AKAP12: variants seen among roughly 807,000 people sequenced by gnomAD.
The protein encoded by AKAP12 is A-kinase anchor protein 12.
A neutral mutation model predicts 79.9 loss-of-function variants in AKAP12; 32 were observed. The observed-to-expected ratio is 0.40, with a 90% confidence interval of 0.30 to 0.54. The LOEUF (loss-of-function observed/expected upper bound fraction) is 0.54, where lower values mean the gene tolerates loss of function less well. Ranked by LOEUF, AKAP12 falls within the 20% of genes least tolerant of loss-of-function variation. The pLI, the probability that AKAP12 is intolerant of heterozygous loss-of-function variation, is 0.48. For missense variants in AKAP12, 2,074 were observed against 2,177.0 expected, an observed-to-expected ratio of 0.95 and a Z score of 0.94; for synonymous variants, 808 against 857.0, an observed-to-expected ratio of 0.94 and a Z score of 1.00.
chr6:151,259,010 GTATA>G (rs1031218675), intron 2 of AKAP12, among the ~76,000 whole-genome samples: 2 of 148,974 alleles, frequency 1.3e-5, no homozygotes, highest in South Asian at 2.1e-4. Flanking sequence ...ATGTGTGTGT[GTATA>G]TATATATATT....
intron 3 of AKAP12, among the ~76,000 whole-genome samples, chr6:151,340,364 C>A (rs1777916869): frequency 6.6e-6 from 1 of 151,368 alleles, no homozygotes; most frequent in Non-Finnish European, 1.5e-5. Flanking sequence ...TTGCTGTAAA[C>A]ATCTGTGTGC....
At chr6:151,307,894 T>G (rs1043290372) in intron 3 of AKAP12, among the ~76,000 whole-genome samples, 2 of 152,180 alleles carry the variant, frequency 1.3e-5, no homozygotes, top group Non-Finnish European at 2.9e-5. Context: ...TGTCTCAGTC[T>G]CACTCTGTCG....
intron 3 of AKAP12, among the ~76,000 whole-genome samples, chr6:151,313,791 G>A (rs567980802): frequency 5.3e-5 from 8 of 152,192 alleles, no homozygotes; most frequent in South Asian, 4.1e-4. Flanking sequence ...TACTTTTTGC[G>A]TGATCTTGAT....
chr6:151,325,834 C>T (rs561806311), intron 3 of AKAP12: 1 of 1,614,012 alleles, frequency 6.2e-7, no homozygotes, highest in Admixed American at 1.7e-5. Flanking sequence ...CTAAGCTGAT[C>T]TCCTGTACAG....
chr6:151,321,047 C>T (rs1055174048), intron 3 of AKAP12, among the ~76,000 whole-genome samples: 1 of 151,324 alleles, frequency 6.6e-6, no homozygotes, highest in African/African-American at 2.4e-5. Flanking sequence ...AGTGCAATGA[C>T]GCGATCTCAG....
chr6:151,281,670 C>T (rs1776410166), intron 2 of AKAP12, among the ~76,000 whole-genome samples: 1 of 152,088 alleles, frequency 6.6e-6, no homozygotes, highest in Non-Finnish European at 1.5e-5. Context: ...CCTGCGGCTT[C>T]ATTCTTTTCT....
chr6:151,302,168 A>G (rs1453541250), intron 2 of AKAP12, among the ~76,000 whole-genome samples: 1 of 151,554 alleles, frequency 6.6e-6, no homozygotes, highest in African/African-American at 2.4e-5. Flanking sequence ...ACACCACCAC[A>G]CTTGGCTAAT....
chr6:151,264,626 G>T (rs911282372), intron 2 of AKAP12, among the ~76,000 whole-genome samples: 2 of 148,106 alleles, frequency 1.4e-5, no homozygotes, highest in Non-Finnish European at 3.0e-5. Flanking sequence ...AGCCAAGATC[G>T]TATCACTGAA....
At position 151,278,886 on chromosome 6, in the gene AKAP12, C is replaced by T. The variant is rs191007539; in HGVS notation, c.163-26861C>T. Reference sequence around the variant, plus strand: ...GTTTCACCGTGTTAGCCAGGATGGTCTCGATCTCCTGACCTTGTGATCCGC... The same window carrying T: ...GTTTCACCGTGTTAGCCAGGATGGTTTCGATCTCCTGACCTTGTGATCCGC... On this transcript the variant is annotated intron_variant, in intron 2 of 4. Transcript: ENST00000402676. Among the ~76,000 whole-genome samples, 562 of 152,168 alleles carry T rather than the reference C, an allele frequency of 3.7e-3. 3 individuals are homozygous for T. Among genetic ancestry groups the T allele is most frequent in the African/African-American group, 0.013 (535 of 41,506 alleles).
intron 2 of AKAP12, among the ~76,000 whole-genome samples, chr6:151,272,339 T>C (rs1776199466): frequency 7.7e-6 from 1 of 129,150 alleles, no homozygotes; most frequent in Non-Finnish European, 1.6e-5. Context: ...AGTGAGACCC[T>C]GTTTCAAAAA....
chr6:151,252,291 G>A (rs180830062), intron 2 of AKAP12, among the ~76,000 whole-genome samples: 174 of 151,664 alleles, frequency 1.1e-3, no homozygotes, highest in African/African-American at 3.7e-3. Flanking sequence ...CCCGCCTCCC[G>A]GGTTCAAGAT....
At chr6:151,326,489 TA>T (rs746340831) in intron 3 of AKAP12, among the ~76,000 whole-genome samples, 2,097 of 80,226 alleles carry the variant, frequency 0.026, 33 homozygotes, top group African/African-American at 0.083. Context: ...CAACAAATAG[TA>T]AAAAAAAAAA....
At chr6:151,288,704 C>A (rs1776556609) in intron 2 of AKAP12, among the ~76,000 whole-genome samples, 1 of 152,174 alleles carries the variant, frequency 6.6e-6, no homozygotes, top group South Asian at 2.1e-4. Flanking sequence ...CACCCTACCC[C>A]CGTTCAGAAG....
At chr6:151,345,932 T>TGTGAGAGAGA (rs1349850485) in intron 3 of AKAP12, among the ~76,000 whole-genome samples, 8 of 101,444 alleles carry the variant, frequency 7.9e-5, no homozygotes, top group African/African-American at 2.2e-4. Context: ...TGTGTGTGTG[T>TGTGAGAGAGA]GAGAGAGAGA....
At chr6:151,338,748 G>A (rs1777877412) in intron 3 of AKAP12, among the ~76,000 whole-genome samples, 2 of 152,212 alleles carry the variant, frequency 1.3e-5, no homozygotes, top group Admixed American at 1.3e-4. Flanking sequence ...GCTGCACCCG[G>A]CCATAGGTTA....
Position 151,265,376 on chromosome 6 carries a change from A to G in AKAP12, c.162+24652A>G, listed in dbSNP as rs1582842714. On this transcript the variant is annotated intron_variant, in intron 2 of 4. Transcript: ENST00000402676. ...AAGCAGATATTTGTTAACTGGTCTGACTTATGTTCATATGACTGCTTAAAA... is the reference window on the plus strand; with the variant it reads ...AAGCAGATATTTGTTAACTGGTCTGGCTTATGTTCATATGACTGCTTAAAA... 2.6e-5 allele frequency among the ~76,000 whole-genome samples: 4 copies of G among 152,352 alleles called. No individual in the cohort carries two copies. In the East Asian group the frequency reaches 7.7e-4, roughly 29 times the overall value.
intron 2 of AKAP12, among the ~76,000 whole-genome samples, chr6:151,248,871 C>G (rs939299753): frequency 3.3e-5 from 5 of 151,960 alleles, no homozygotes; most frequent in African/African-American, 1.2e-4. Flanking sequence ...CCTGTAATCC[C>G]AGCTACTCGG....
intron 3 of AKAP12, chr6:151,324,506 C>G (rs1323526685): frequency 1.2e-5 from 12 of 985,318 alleles, no homozygotes; most frequent in African/African-American, 1.7e-5. Context: ...CCTCGCCCAC[C>G]CTTCTCTTTG....
chr6:151,316,176 C>T lies in AKAP12; in HGVS notation c.319+10273C>T, dbSNP rs148053863. Among the ~76,000 whole-genome samples the T allele has an allele frequency of 2.4e-3, 364 of 152,286 alleles. 2 individuals carry two copies. The highest frequency in any genetic ancestry group is 8.5e-3 in the African/African-American group (353 of 41,540). On this transcript the variant is annotated intron_variant, in intron 3 of 4. Transcript: ENST00000402676. Reference sequence around the variant, plus strand: ...AGATTTATTCCTGCATATCATGCTTCGAATTGTTTTCAAATTGCTCTTTAC... The same window carrying T: ...AGATTTATTCCTGCATATCATGCTTTGAATTGTTTTCAAATTGCTCTTTAC...
Sources: gnomAD v4.1 joint callset for allele counts (sites outside exome capture counted in the v4.1 genomes callset) on GRCh38, gnomAD v4.1.1 for gene constraint, MANE v1.5 for transcripts, NCBI Gene and HGNC (gene_info 2026-07-23, HGNC 2026-07-21) for gene names.